Variants in PCP4 observed in about 807,000 individuals in gnomAD.
PCP4 encodes calmodulin regulator protein PCP4.
PCP4 carries 8 observed loss-of-function variants against 10.0 expected under a neutral mutation model. The observed-to-expected ratio is 0.80, with a 90% CI of 0.47 to 1.45. The LOEUF is 1.45. Among genes scored for constraint, PCP4 ranks in the 40% most tolerant of loss-of-function variants. PCP4 has a pLI of 0.00. For synonymous variants in PCP4, 21 were observed against 23.0 expected (o/e 0.91, Z 0.24); for missense variants, 54 against 74.4 (o/e 0.73, Z 1.01).
Position 39,885,484 on chromosome 21 carries a change from C to T in PCP4, c.10-12992C>T, listed in dbSNP as rs960753627. 2.6e-5 allele frequency among the ~76,000 whole-genome samples: 4 copies of T among 152,226 alleles called. No individual in the cohort carries two copies. In the South Asian group the frequency reaches 8.3e-4, roughly 31 times the overall value. ...GGCTGGCGGCTGGGGAAACCTCTGG[C>T]TCGGGGCTGGAGAAACAGTTCTGGG... is the stretch of plus-strand genomic sequence containing the variant. On this transcript the variant is annotated intron_variant, in intron 1 of 2. Transcript: ENST00000328619.
At chr21:39,884,051 GGGATTACCT>G in intron 1 of PCP4, among the ~76,000 whole-genome samples, 1 of 152,310 alleles carries the variant, frequency 6.6e-6, no homozygotes, top group African/African-American at 2.4e-5. Context: ...GACCAGGGCT[GGGATTACCT>G]GGGTAGTTGG....
intron 1 of PCP4, among the ~76,000 whole-genome samples, chr21:39,889,426 T>C (rs1183544712): frequency 6.9e-6 from 1 of 144,898 alleles, no homozygotes; most frequent in Non-Finnish European, 1.5e-5. Flanking sequence ...TTTTTTTTTT[T>C]TTTTTTTTGA....
At chr21:39,914,674 T>G (rs9976166) in intron 2 of PCP4, among the ~76,000 whole-genome samples, 20,742 of 152,126 alleles carry the variant, frequency 0.14, 1,452 homozygotes, top group East Asian at 0.24. Flanking sequence ...AGTGAGGTTC[T>G]TATATTAATT....
At chr21:39,908,369 G>A (rs1275510781) in intron 2 of PCP4, among the ~76,000 whole-genome samples, 3 of 152,162 alleles carry the variant, frequency 2.0e-5, no homozygotes, top group African/African-American at 7.2e-5. Context: ...GGAGACACAA[G>A]AGGAAGCTGG....
intron 1 of PCP4, among the ~76,000 whole-genome samples, chr21:39,880,472 TGTGTGCATGC>T (rs1018450708): frequency 2.0e-5 from 3 of 151,850 alleles, no homozygotes; most frequent in African/African-American, 7.3e-5. Flanking sequence ...TGAGTGTGTG[TGTGTGCATGC>T]GTGTGAGTGT....
At chr21:39,895,140 CTT>C (rs2087451098) in intron 1 of PCP4, among the ~76,000 whole-genome samples, 1 of 151,774 alleles carries the variant, frequency 6.6e-6, no homozygotes, top group Non-Finnish European at 1.5e-5. Flanking sequence ...CCCATCCATT[CTT>C]CCATCCATCC....
At chr21:39,873,029 G>A (rs764621402) in intron 1 of PCP4, among the ~76,000 whole-genome samples, 1 of 152,126 alleles carries the variant, frequency 6.6e-6, no homozygotes, top group Non-Finnish European at 1.5e-5. Context: ...GGAAAATATG[G>A]GAACGGAGCA....
At chr21:39,905,820 G>A (rs1244529513) in intron 2 of PCP4, among the ~76,000 whole-genome samples, 2 of 152,090 alleles carry the variant, frequency 1.3e-5, no homozygotes, top group East Asian at 1.9e-4. Context: ...AGGCTGAGGC[G>A]GGTGGATCAC....
intron 2 of PCP4, among the ~76,000 whole-genome samples, chr21:39,923,678 T>G (rs1254353658): frequency 6.6e-6 from 1 of 152,148 alleles, no homozygotes; most frequent in Non-Finnish European, 1.5e-5. Flanking sequence ...GGCCACCCAG[T>G]CCAGACCTAA....
At chr21:39,890,533 T>G (rs2087424951) in intron 1 of PCP4, among the ~76,000 whole-genome samples, 1 of 151,678 alleles carries the variant, frequency 6.6e-6, no homozygotes, top group Admixed American at 6.6e-5. Flanking sequence ...TTTTTTTTTT[T>G]TTAATTTTCA....
chr21:39,922,540 G>A (rs532466835), intron 2 of PCP4, among the ~76,000 whole-genome samples: 19 of 152,214 alleles, frequency 1.2e-4, no homozygotes, highest in African/African-American at 3.4e-4. Context: ...ATCAGGGGAC[G>A]TTCCAAGCCT....
At chr21:39,916,255 A>T (rs934451344) in intron 2 of PCP4, 1 of 152,232 alleles carries the variant, frequency 6.6e-6, no homozygotes, top group Admixed American at 6.5e-5. Flanking sequence ...TCGAGTAAAT[A>T]TTAACATATT....
chr21:39,880,551 T>C (rs2087370647), intron 1 of PCP4, among the ~76,000 whole-genome samples: 1 of 152,212 alleles, frequency 6.6e-6, no homozygotes, highest in Non-Finnish European at 1.5e-5. Context: ...TGTGCAAATG[T>C]CCTCGAATTC....
Position 39,899,550 on chromosome 21 carries a change from C to G in PCP4, c.61+1023C>G, listed in dbSNP as rs117809453. Among the ~76,000 whole-genome samples, 55 of 152,296 alleles carry G rather than the reference C, an allele frequency of 3.6e-4. 1 individual carries two copies. In the East Asian group the frequency reaches 9.9e-3, roughly 27 times the overall value. ...TCTGCGTCTGCAGCCTGCCAATATG[C>G]CCACCCATTTAGGGCAGTCCTATTG... On this transcript the variant is annotated intron_variant, in intron 2 of 2. Coordinates refer to ENST00000328619, the MANE Select transcript of PCP4 (RefSeq NM_006198.3).
In PCP4 at chr21:39,906,961, G is replaced by A. The variant is rs1374268962; in HGVS notation, c.61+8434G>A. Among the ~76,000 whole-genome samples, 1 of 152,078 alleles carries A rather than the reference G, an allele frequency of 6.6e-6. No homozygotes were observed. Among genetic ancestry groups the A allele is most frequent in the Non-Finnish European group, 1.5e-5 (1 of 68,024 alleles). ...GAAAACACTTTTGCTCTTTTAAGTAGGTGAAACACTCATAATCTTATTTAT... is the reference window on the plus strand; with the variant it reads ...GAAAACACTTTTGCTCTTTTAAGTAAGTGAAACACTCATAATCTTATTTAT... On this transcript the variant is annotated intron_variant, in intron 2 of 2. Transcript: ENST00000328619. The surrounding 1 kb of genome is among the most constrained non-coding windows in gnomAD (Gnocchi z 6.3).
intron 2 of PCP4, among the ~76,000 whole-genome samples, chr21:39,914,306 C>T (rs114851835): frequency 0.03 from 4,549 of 152,210 alleles, 211 homozygotes; most frequent in African/African-American, 0.098. Context: ...TTTGGCCAGG[C>T]GTGGTGGCTC....
intron 1 of PCP4, among the ~76,000 whole-genome samples, chr21:39,874,459 CG>C (rs1213081711): frequency 7.2e-5 from 11 of 152,120 alleles, no homozygotes; most frequent in Non-Finnish European, 1.5e-5. Flanking sequence ...CATCTGTTCC[CG>C]TAGCACCACA....
At chr21:39,903,862 C>T (rs181761088) in intron 2 of PCP4, among the ~76,000 whole-genome samples, 1 of 112,194 alleles carries the variant, frequency 8.9e-6, no homozygotes. Flanking sequence ...AGTGGGACTC[C>T]GTCTCAAAAA....
chr21:39,891,746 T>C (rs904634924), intron 1 of PCP4, among the ~76,000 whole-genome samples: 3 of 152,152 alleles, frequency 2.0e-5, no homozygotes, highest in African/African-American at 7.2e-5. Context: ...GATTACAGGA[T>C]AGGGGGCCCT....
Sources: gnomAD v4.1 joint callset for allele counts (sites outside exome capture counted in the v4.1 genomes callset) on GRCh38, gnomAD v4.1.1 for gene constraint, Gnocchi (gnomAD v3.1) non-coding constraint, MANE v1.5 for transcripts, NCBI Gene and HGNC (gene_info 2026-07-23, HGNC 2026-07-21) for gene names.